The following SCARA3 variants were observed in gnomAD, a reference collection of about 807,000 sequenced individuals.
SCARA3 encodes the protein cellular stress response gene protein.
In SCARA3, 39 loss-of-function variants were observed where a neutral mutation model predicts 47.0. That is an observed-to-expected ratio of 0.83 (90% CI 0.64 to 1.08). The LOEUF is 1.08. Among genes scored for constraint, SCARA3 ranks in the 50% least tolerant of loss-of-function variants. The probability of loss-of-function intolerance (pLI) is 0.00; values close to 1 mark genes in which losing one functional copy is unlikely to be tolerated. For synonymous variants in SCARA3, 356 were observed against 334.1 expected (o/e 1.07, Z -0.71); for missense variants, 724 against 792.3 (o/e 0.91, Z 1.04).
intron 5 of SCARA3, among the ~76,000 whole-genome samples, chr8:27,659,811 C>T (rs1054144867): frequency 1.6e-5 from 2 of 122,754 alleles, no homozygotes; most frequent in African/African-American, 6.2e-5. Flanking sequence ...GATTGCACCA[C>T]TGCACTGCAG....
At chr8:27,678,559 C>A, downstream of SCARA3, among the ~76,000 whole-genome samples, 1 of 152,114 alleles carries the variant, frequency 6.6e-6, no homozygotes, top group Non-Finnish European at 1.5e-5. Context: ...TCCCACAAAA[C>A]AACTCCACAC....
chr8:27,686,957 C>T, the SCARA3 span, among the ~76,000 whole-genome samples: 1 of 152,186 alleles, frequency 6.6e-6, no homozygotes, highest in Non-Finnish European at 1.5e-5. Flanking sequence ...CCACCCACCC[C>T]TCGACAGGCC....
intron 1 of SCARA3, among the ~76,000 whole-genome samples, chr8:27,644,144 A>T (rs1801442567): frequency 6.6e-6 from 1 of 152,164 alleles, no homozygotes; most frequent in African/African-American, 2.4e-5. Context: ...TTGTGACCTA[A>T]GGGATGACAG....
At chr8:27,652,943 A>C (rs1439382615) in intron 3 of SCARA3, among the ~76,000 whole-genome samples, 1 of 152,192 alleles carries the variant, frequency 6.6e-6, no homozygotes, top group African/African-American at 2.4e-5. Flanking sequence ...AGCTAGATTT[A>C]AGAACCAAGG....
At chr8:27,650,987 A>G (rs1414873018) in intron 2 of SCARA3, among the ~76,000 whole-genome samples, 2 of 152,178 alleles carry the variant, frequency 1.3e-5, no homozygotes, top group Non-Finnish European at 2.9e-5. Context: ...AGCCTCCTCA[A>G]GTGCTGGGAT....
Position 27,671,477 on chromosome 8 carries a change from C to A in SCARA3, c.*126C>A. 1.5e-6 allele frequency: 2 copies of A among 1,312,234 alleles called. No homozygotes were observed. The allele number at this position is 1,312,234 out of a possible 1,614,324, so 81.3% of individuals were successfully genotyped here. A position where few individuals can be genotyped will look rare whatever the true frequency, so the allele number is the denominator to read the frequency against. On this transcript the variant is annotated 3_prime_UTR_variant, in exon 6 of 6. Transcript: ENST00000301904. ...ATTCCAATGAGGGGGCTCCCCAGGG[C>A]TGACCCTGCAGCTTTGGGCTCCCCC...
At chr8:27,646,991 A>G (rs910580707) in intron 1 of SCARA3, among the ~76,000 whole-genome samples, 1 of 26,062 alleles carries the variant, frequency 3.8e-5, no homozygotes, top group Non-Finnish European at 6.3e-5. Context: ...CCGCACACAC[A>G]CACTATTGCC....
At chr8:27,647,163 G>A (rs969768333) in intron 1 of SCARA3, among the ~76,000 whole-genome samples, 11 of 152,052 alleles carry the variant, frequency 7.2e-5, no homozygotes, top group South Asian at 2.1e-4. Context: ...AAAAATGCAC[G>A]TGCACACATG....
the SCARA3 span, among the ~76,000 whole-genome samples, chr8:27,691,191 CT>C: frequency 0.18 from 26,647 of 152,074 alleles, 2,897 homozygotes; most frequent in Middle Eastern, 0.34. Flanking sequence ...AGAAGGCAGG[CT>C]GCCTTTCCAA....
At chr8:27,665,604 A>G (rs1290243996) in intron 5 of SCARA3, among the ~76,000 whole-genome samples, 1 of 152,188 alleles carries the variant, frequency 6.6e-6, no homozygotes, top group Non-Finnish European at 1.5e-5. Context: ...ACTCGGGCTC[A>G]AGCAATCCAC....
chr8:27,641,383 A>G (rs1801378404), intron 1 of SCARA3, among the ~76,000 whole-genome samples: 1 of 152,214 alleles, frequency 6.6e-6, no homozygotes, highest in Non-Finnish European at 1.5e-5. Flanking sequence ...CTTTCAGAAA[A>G]GGAGGGGGTG....
intron 1 of SCARA3, among the ~76,000 whole-genome samples, chr8:27,649,398 C>G (rs1416189322): frequency 6.6e-6 from 1 of 152,354 alleles, no homozygotes; most frequent in African/African-American, 2.4e-5. Flanking sequence ...CTTATTTCTC[C>G]TTACTCCACC....
chr8:27,646,578 G>T (rs936645378), intron 1 of SCARA3, among the ~76,000 whole-genome samples: 4 of 152,176 alleles, frequency 2.6e-5, no homozygotes, highest in Non-Finnish European at 4.4e-5. Flanking sequence ...GGCCAAGGAG[G>T]CAGCTCTGCT....
chr8:27,707,599 A>G, the SCARA3 span, among the ~76,000 whole-genome samples: 1 of 152,096 alleles, frequency 6.6e-6, no homozygotes, highest in Non-Finnish European at 1.5e-5. Flanking sequence ...ATAAAACCAG[A>G]AGTTCAATAA....
chr8:27,674,909 A>G (rs1199933871), downstream of SCARA3, among the ~76,000 whole-genome samples: 4 of 151,856 alleles, frequency 2.6e-5, no homozygotes, highest in East Asian at 7.8e-4. Context: ...TTGTATTTTT[A>G]GTAGAGATGG....
chr8:27,677,842 G>A (rs187997490), downstream of SCARA3, among the ~76,000 whole-genome samples: 38 of 152,252 alleles, frequency 2.5e-4, no homozygotes, highest in Admixed American at 2.4e-3. Flanking sequence ...TCAAATCACA[G>A]GAAATATGTT....
In SCARA3 at chr8:27,659,391, G is replaced by A; in HGVS notation, c.1221G>A (p.Leu407=). ...YYLNKSVSIM[L]GTTDLLRERF... The stretch of plus-strand genomic sequence containing the variant: ...TGAACAAGTCTGTCTCCATCATGCT[G>A]GGCACCACAGACCTGCTCCGGGAGC... The change falls in exon 5 of 6, where the codon CTG becomes CTA. Residue 407 remains leucine (L), a synonymous_variant. Transcript: ENST00000301904. The A allele has an allele frequency of 6.2e-7, 1 of 1,613,958 alleles. No homozygotes were observed. The highest frequency in any genetic ancestry group is 8.5e-7 in the Non-Finnish European group (1 of 1,179,934).
the SCARA3 span, among the ~76,000 whole-genome samples, chr8:27,697,769 C>A: frequency 6.6e-6 from 1 of 152,100 alleles, no homozygotes; most frequent in Non-Finnish European, 1.5e-5. Flanking sequence ...AAGGGGAAAC[C>A]CCTTTCACTT....
At position 27,668,368 on chromosome 8, in the gene SCARA3, G is replaced by A. The variant is rs374770275; in HGVS notation, c.1370-2532G>A. Among the ~76,000 whole-genome samples the A allele has an allele frequency of 4.9e-4, 74 of 150,412 alleles. No homozygotes were observed. In the East Asian group the frequency reaches 0.014, roughly 28 times the overall value. On this transcript the variant is annotated intron_variant, in intron 5 of 5. Transcript: ENST00000301904. ...ATCCTGGCTAACAAGGTGAAACCCC[G>A]TCTCTACTAAAAATACAAAAAATTA... is the stretch of plus-strand genomic sequence containing the variant.
Sources: allele counts gnomAD v4.1 joint callset (sites outside exome capture counted in the v4.1 genomes callset), GRCh38; gene constraint gnomAD v4.1.1; transcripts MANE v1.5; gene names NCBI Gene and HGNC (gene_info 2026-07-23, HGNC 2026-07-21).